Variants in SMG6 observed in about 807,000 individuals in gnomAD.
SMG6 encodes SMG6 nonsense mediated mRNA decay factor, also known as telomerase-binding protein EST1A.
In SMG6, 66 loss-of-function variants were observed where a neutral mutation model predicts 142.2. The observed-to-expected ratio is 0.46, with a 90% CI of 0.38 to 0.57. The LOEUF (loss-of-function observed/expected upper bound fraction) is 0.57. Among genes scored for constraint, SMG6 ranks in the 20% least tolerant of loss-of-function variants. SMG6 has a pLI of 0.00. For missense variants in SMG6, 1,793 were observed against 1,832.0 expected, an observed-to-expected ratio of 0.98 and a Z score of 0.39; for synonymous variants, 779 against 702.4, an observed-to-expected ratio of 1.11 and a Z score of -1.72.
chr17:2,251,964 G>A (rs1424653920), intron 8 of SMG6, among the ~76,000 whole-genome samples: 1 of 151,966 alleles, frequency 6.6e-6, no homozygotes, highest in African/African-American at 2.4e-5. Context: ...AGCCGGGCGT[G>A]GTGGCTCATG....
Position 2,071,652 on chromosome 17 carries a change from C to CT in SMG6, c.3682-2722dup, listed in dbSNP as rs1338107985. Among the ~76,000 whole-genome samples the CT allele has an allele frequency of 3.3e-5, 5 of 152,196 alleles. No homozygotes were observed. ...TGCCCAGTGAGTCACCAAACAACTG[C>CT]TTCCTGTTCCCCGCATGCCCTCATG... On this transcript the variant is annotated intron_variant, in intron 15 of 18. Coordinates refer to ENST00000263073, the MANE Select transcript of SMG6 (RefSeq NM_017575.5). The surrounding 1 kb of genome is among the most constrained non-coding windows in gnomAD (Gnocchi z 5.6).
At chr17:2,220,432 A>C (rs1287876040) in intron 10 of SMG6, among the ~76,000 whole-genome samples, 1 of 152,124 alleles carries the variant, frequency 6.6e-6, no homozygotes, top group Non-Finnish European at 1.5e-5. Flanking sequence ...GGAGTTTGAG[A>C]CTAGCTTGGG....
Position 2,283,653 on chromosome 17 carries a change from A to T in SMG6, c.2420T>A (p.Met807Lys). Residue 807 changes from methionine to lysine, a missense_variant, in exon 7 of 19, where the codon ATG becomes AAG. Transcript: ENST00000263073. ...NPILTAKESL[M>K]SLFEETKRKA... ...CCGCTTGGTCTCTTCAAACAAGCTC[A>T]TGAGACTCTCCTTGGCAGTCAGGAT... 1 of 1,614,186 alleles carries T rather than the reference A, an allele frequency of 6.2e-7. No individual in the cohort carries two copies. Among genetic ancestry groups the T allele is most frequent in the Non-Finnish European group, 8.5e-7 (1 of 1,180,028 alleles).
intron 13 of SMG6, among the ~76,000 whole-genome samples, chr17:2,169,777 G>C (rs2071447690): frequency 1.3e-5 from 2 of 152,118 alleles, no homozygotes; most frequent in Non-Finnish European, 2.9e-5. Context: ...CTCTAAGTGA[G>C]AGGAGCAACC....
At chr17:2,248,542 C>G (rs1368758462) in intron 8 of SMG6, among the ~76,000 whole-genome samples, 2 of 152,152 alleles carry the variant, frequency 1.3e-5, no homozygotes, top group Non-Finnish European at 2.9e-5. Flanking sequence ...TCTGTACTTG[C>G]CACTACCGTA....
intron 10 of SMG6, among the ~76,000 whole-genome samples, chr17:2,207,991 C>T (rs2072738422): frequency 6.6e-6 from 1 of 152,172 alleles, no homozygotes; most frequent in Admixed American, 6.5e-5. Context: ...TTGCCGGGTG[C>T]GGTGGCTCAT....
At chr17:2,254,171 G>C (rs1237864752) in intron 8 of SMG6, among the ~76,000 whole-genome samples, 1 of 152,154 alleles carries the variant, frequency 6.6e-6, no homozygotes, top group East Asian at 1.9e-4. Context: ...TCTCATGCCT[G>C]GGAACTCTCA....
chr17:2,234,473 G>T (rs1238305225), intron 10 of SMG6, among the ~76,000 whole-genome samples: 11 of 151,700 alleles, frequency 7.3e-5, no homozygotes, highest in Admixed American at 4.6e-4. Context: ...ATGTTGGCCA[G>T]GCTGGTCTCA....
In SMG6 at chr17:2,157,167, C is replaced by T. The variant is rs145620227; in HGVS notation, c.3357+15491G>A. On this transcript the variant is annotated intron_variant, in intron 13 of 18. Coordinates refer to ENST00000263073, the MANE Select transcript of SMG6 (RefSeq NM_017575.5). ...TTGCAGTCTTACTCCAGACTGCACA[C>T]GGGGCCACCCATGACACAAAAACTC... Among the ~76,000 whole-genome samples the T allele has an allele frequency of 7.0e-4, 107 of 152,292 alleles. 1 individual carries two copies. The highest frequency in any genetic ancestry group is 2.3e-3 in the African/African-American group (95 of 41,554).
intron 8 of SMG6, among the ~76,000 whole-genome samples, chr17:2,253,299 G>A (rs138180599): frequency 1.6e-4 from 24 of 152,030 alleles, no homozygotes; most frequent in African/African-American, 5.1e-4. Context: ...CTGCCACTAC[G>A]CCTGGCTAAT....
chr17:2,194,443 T>C (rs1391829330), intron 10 of SMG6, among the ~76,000 whole-genome samples: 1 of 152,200 alleles, frequency 6.6e-6, no homozygotes, highest in Non-Finnish European at 1.5e-5. Flanking sequence ...CGAAATTACA[T>C]GTAAAGCACT....
chr17:2,231,044 C>A (rs149344469), intron 10 of SMG6, among the ~76,000 whole-genome samples: 1 of 152,100 alleles, frequency 6.6e-6, no homozygotes, highest in African/African-American at 2.4e-5. Flanking sequence ...AGCCTAACCC[C>A]TTATGAAAGG....
intron 14 of SMG6, among the ~76,000 whole-genome samples, chr17:2,082,525 T>C (rs2068452852): frequency 6.6e-6 from 1 of 152,204 alleles, no homozygotes; most frequent in Non-Finnish European, 1.5e-5. Flanking sequence ...TGAGGACTGC[T>C]GGGCCCCTTT....
intron 13 of SMG6, among the ~76,000 whole-genome samples, chr17:2,168,248 C>T (rs902352975): frequency 2.0e-5 from 3 of 151,988 alleles, no homozygotes; most frequent in Non-Finnish European, 4.4e-5. Context: ...GGCTGGAGTA[C>T]AGTGGCACAA....
intron 13 of SMG6, among the ~76,000 whole-genome samples, chr17:2,129,352 T>C (rs1597437542): frequency 2.0e-5 from 3 of 152,092 alleles, no homozygotes; most frequent in African/African-American, 7.2e-5. Flanking sequence ...TAACCCCATA[T>C]AAACAGGTTA....
rs2068093476 is a variant in SMG6, at chr17:2,071,279, A to G, written c.3682-2348T>C. ...TGGCTGCCATTTTTTTTTTTACCCT[A>G]TGTGAACAGTCAGCTCCTAAGCCCT... is the stretch of plus-strand genomic sequence containing the variant. On this transcript the variant is annotated intron_variant, in intron 15 of 18. Coordinates refer to ENST00000263073, the MANE Select transcript of SMG6 (RefSeq NM_017575.5). This position sits in a 1 kb window ranked among gnomAD's most constrained non-coding sequence, Gnocchi z 5.6. Among the ~76,000 whole-genome samples, 1 of 151,344 alleles carries G rather than the reference A, an allele frequency of 6.6e-6. No homozygotes were observed. Among genetic ancestry groups the G allele is most frequent in the Admixed American group, 6.6e-5 (1 of 15,218 alleles).
chr17:2,240,271 G>A (rs747458152), intron 9 of SMG6: 3 of 152,304 alleles, frequency 2.0e-5, no homozygotes, highest in Non-Finnish European at 4.4e-5. Context: ...CCGGGACCTA[G>A]GCCCAGGACT....
At chr17:2,303,496 G>A in intron 1 of SMG6, 137 bp downstream of exon 1, 4 of 1,327,280 alleles carry the variant, frequency 3.0e-6, no homozygotes, top group African/African-American at 3.1e-5. Context: ...GCGAGGGTCC[G>A]CCGCGGCCCC....
chr17:2,260,038 A>G (rs1455760901), intron 8 of SMG6, among the ~76,000 whole-genome samples: 1 of 152,210 alleles, frequency 6.6e-6, no homozygotes, highest in Non-Finnish European at 1.5e-5. Flanking sequence ...ACTCCCAGGA[A>G]AAGTGTTTCA....
Sources: allele counts gnomAD v4.1 joint callset (sites outside exome capture counted in the v4.1 genomes callset), GRCh38; gene constraint gnomAD v4.1.1; non-coding constraint Gnocchi (gnomAD v3.1); transcripts MANE v1.5; gene names NCBI Gene and HGNC (gene_info 2026-07-23, HGNC 2026-07-21).